RMST: variants seen among roughly 807,000 people sequenced by gnomAD.
RMST encodes the protein rhabdomyosarcoma 2 associated transcript, also known as long intergenic non-protein coding RNA 54.
At chr12:97,470,022 C>T (rs1407961952) in intron 5 of RMST, among the ~76,000 whole-genome samples, 1 of 152,074 alleles carries the variant, frequency 6.6e-6, no homozygotes, top group African/African-American at 2.4e-5. Flanking sequence ...ATTGCCCCCA[C>T]AAAATTTGTC....
chr12:97,542,291 T>C (rs1282344773), intron 11 of RMST, among the ~76,000 whole-genome samples: 1 of 151,876 alleles, frequency 6.6e-6, no homozygotes, highest in Non-Finnish European at 1.5e-5. Flanking sequence ...TCTATTATCA[T>C]TATTATGCTT....
intron 11 of RMST, among the ~76,000 whole-genome samples, chr12:97,555,461 A>G (rs569196114): frequency 6.6e-6 from 1 of 152,218 alleles, no homozygotes; most frequent in Non-Finnish European, 1.5e-5. Context: ...TGTGTTTAGC[A>G]TATAGTAGAG....
chr12:97,469,226 C>A (rs1873597353), intron 5 of RMST, among the ~76,000 whole-genome samples: 1 of 140,288 alleles, frequency 7.1e-6, no homozygotes, highest in African/African-American at 2.8e-5. Flanking sequence ...TAATTGTATA[C>A]AATATATATA....
chr12:97,556,364 G>C (rs577338187), intron 11 of RMST, among the ~76,000 whole-genome samples: 2 of 152,298 alleles, frequency 1.3e-5, no homozygotes, highest in African/African-American at 4.8e-5. Flanking sequence ...AGTCAGCCAA[G>C]TGTGACGTGT....
chr12:97,508,486 C>G (rs1878940343), intron 10 of RMST, among the ~76,000 whole-genome samples: 1 of 152,118 alleles, frequency 6.6e-6, no homozygotes, highest in Admixed American at 6.5e-5. Context: ...GAAAGGTGGT[C>G]AGCTGAGAGT....
chr12:97,486,218 G>T (rs752152129), intron 5 of RMST, among the ~76,000 whole-genome samples: 25 of 152,156 alleles, frequency 1.6e-4, no homozygotes, highest in Non-Finnish European at 3.2e-4. Flanking sequence ...AACAGGCAGT[G>T]CCCACTCTAA....
intron 10 of RMST, among the ~76,000 whole-genome samples, chr12:97,514,992 T>C (rs1592719255): frequency 6.6e-6 from 1 of 152,308 alleles, no homozygotes; most frequent in East Asian, 1.9e-4. Flanking sequence ...ATACTCACTG[T>C]TTTCAAAGCT....
rs73384753 is a variant in RMST at position 97,485,260 on chromosome 12, A to C, written n.645-7201A>C. ...AGTAAATTAGCCACTGATAATCATA[A>C]TTATGACCCTTAGGTACAATAAGAC... On this transcript the variant is annotated intron_variant and non_coding_transcript_variant, in intron 5 of 13. Coordinates refer to ENST00000640149, the Ensembl canonical transcript of RMST. 2.0e-3 allele frequency among the ~76,000 whole-genome samples: 308 copies of C among 152,312 alleles called. 3 individuals carry two copies. The highest frequency in any genetic ancestry group is 7.3e-3 in the African/African-American group (302 of 41,576).
chr12:97,502,160 A>G (rs950367445), intron 10 of RMST, among the ~76,000 whole-genome samples: 1 of 152,202 alleles, frequency 6.6e-6, no homozygotes, highest in South Asian at 2.1e-4. Context: ...TGTTTGTCTT[A>G]TAATGGAGAC....
chr12:97,473,455 T>C (rs1295600882), intron 5 of RMST, among the ~76,000 whole-genome samples: 1 of 152,136 alleles, frequency 6.6e-6, no homozygotes, highest in African/African-American at 2.4e-5. Context: ...AGTTTGGACA[T>C]GAATGTAAAT....
intron 10 of RMST, among the ~76,000 whole-genome samples, chr12:97,512,086 C>T (rs1172940936): frequency 2.6e-5 from 4 of 152,208 alleles, no homozygotes; most frequent in South Asian, 2.1e-4. Context: ...TTCCTTCTGG[C>T]GTTCGGATGT....
chr12:97,473,676 C>T (rs913420657), intron 5 of RMST, among the ~76,000 whole-genome samples: 2 of 152,134 alleles, frequency 1.3e-5, no homozygotes, highest in African/African-American at 2.4e-5. Context: ...TAGATAAAAA[C>T]ACTATTCCAA....
At chr12:97,514,689 G>GT (rs1879762229) in intron 10 of RMST, among the ~76,000 whole-genome samples, 7 of 150,716 alleles carry the variant, frequency 4.6e-5, no homozygotes, top group Admixed American at 4.6e-4. Flanking sequence ...TCTTAGCAAA[G>GT]TGACAAATAC....
rs532651155 is a variant in RMST, at chr12:97,541,769, T to C, written n.1545+10910T>C. Reference sequence around the variant, plus strand: ...AAAAGAAGATTCTTCCTTTCCTTTTTATAAGTTTTATATAGGAAACAGAAA... The same window carrying C: ...AAAAGAAGATTCTTCCTTTCCTTTTCATAAGTTTTATATAGGAAACAGAAA... On this transcript the variant is annotated intron_variant and non_coding_transcript_variant, in intron 11 of 13. Transcript: ENST00000640149. 1.2e-3 allele frequency among the ~76,000 whole-genome samples: 186 copies of C among 151,636 alleles called. 1 individual carries two copies. Among genetic ancestry groups the C allele is most frequent in the African/African-American group, 4.3e-3 (178 of 41,464 alleles).
At chr12:97,551,134 A>G (rs1443854310) in intron 11 of RMST, among the ~76,000 whole-genome samples, 1 of 151,732 alleles carries the variant, frequency 6.6e-6, no homozygotes, top group African/African-American at 2.4e-5. Flanking sequence ...CAATTTAAAT[A>G]GAAAAAGCAT....
intron 10 of RMST, among the ~76,000 whole-genome samples, chr12:97,523,138 T>C (rs1880688179): frequency 6.6e-6 from 1 of 152,188 alleles, no homozygotes; most frequent in Admixed American, 6.5e-5. Flanking sequence ...AAACGAAGCA[T>C]ACAGTTCACA....
At chr12:97,531,855 T>A (rs1267103777) in intron 11 of RMST, among the ~76,000 whole-genome samples, 1 of 152,038 alleles carries the variant, frequency 6.6e-6, no homozygotes, top group Non-Finnish European at 1.5e-5. Flanking sequence ...TGAAATTACA[T>A]TTTGGAAACA....
At chr12:97,553,248 T>G (rs774289574) in intron 11 of RMST, among the ~76,000 whole-genome samples, 4 of 151,484 alleles carry the variant, frequency 2.6e-5, no homozygotes, top group Non-Finnish European at 4.4e-5. Context: ...ACATTTTACC[T>G]TTTAAAGTTG....
At chr12:97,561,815 T>C (rs1022291166) in intron 13 of RMST, among the ~76,000 whole-genome samples, 1 of 151,988 alleles carries the variant, frequency 6.6e-6, no homozygotes, top group Non-Finnish European at 1.5e-5. Flanking sequence ...TTCAAAAGCT[T>C]CACTCCTCAC....
Sources: gnomAD v4.1 joint callset for allele counts (sites outside exome capture counted in the v4.1 genomes callset) on GRCh38, gnomAD v4.1.1 for gene constraint, MANE v1.5 for transcripts, NCBI Gene and HGNC (gene_info 2026-07-23, HGNC 2026-07-21) for gene names.